Variants in TGM3 observed in about 807,000 individuals in gnomAD.
TGM3 encodes the protein transglutaminase 3.
TGM3 carries 52 observed loss-of-function variants against 73.8 expected under a neutral mutation model. The observed-to-expected ratio is 0.70, with a 90% CI of 0.56 to 0.89. The LOEUF (loss-of-function observed/expected upper bound fraction) is 0.89, where lower values mean the gene tolerates loss of function less well. TGM3 is among the 40% of genes least tolerant of loss of function. The pLI is 0.00. For missense variants in TGM3, 928 were observed against 909.9 expected (o/e 1.02, Z -0.26); for synonymous variants, 372 against 354.9 (o/e 1.05, Z -0.54).
At chr20:2,323,719 C>A (rs1042730827) in intron 7 of TGM3, among the ~76,000 whole-genome samples, 1 of 152,202 alleles carries the variant, frequency 6.6e-6, no homozygotes, top group Non-Finnish European at 1.5e-5. Context: ...AGCACCACAA[C>A]GAGTATCACC....
chr20:2,332,038 T>C lies in TGM3; in HGVS notation c.1370T>C (p.Leu457Ser). Reference sequence around the variant, plus strand: ...GAAAGACAAGTGTTCCAAAAGGCTTTGGGGAAACTTAAACCCAACACGCCA... The same window carrying C: ...GAAAGACAAGTGTTCCAAAAGGCTTCGGGGAAACTTAAACCCAACACGCCA... ...DQERQVFQKA[L>S]GKLKPNTPFA... Residue 457 changes from leucine to serine, a missense_variant, in exon 10 of 13, where the codon TTG (leucine) becomes TCG (serine). By Grantham distance (145) the Leu-to-Ser change is moderately radical. Transcript: ENST00000381458. The surrounding 1 kb of genome is among the most constrained non-coding windows in gnomAD (Gnocchi z 4.4). 1 of 1,613,294 alleles carries C rather than the reference T, an allele frequency of 6.2e-7. No homozygotes were observed. Among genetic ancestry groups the C allele is most frequent in the South Asian group, 1.1e-5 (1 of 91,016 alleles).
At chr20:2,327,630 C>T (rs1379761692) in intron 8 of TGM3, among the ~76,000 whole-genome samples, 1 of 152,156 alleles carries the variant, frequency 6.6e-6, no homozygotes, top group South Asian at 2.1e-4. Flanking sequence ...TGACATCTAT[C>T]TATCTATCTA....
At chr20:2,329,035 A>C (rs2084305706) in intron 9 of TGM3, among the ~76,000 whole-genome samples, 1 of 152,222 alleles carries the variant, frequency 6.6e-6, no homozygotes, top group Admixed American at 6.5e-5. Flanking sequence ...GAGCATTCTC[A>C]ATGATGATAA....
intron 7 of TGM3, among the ~76,000 whole-genome samples, chr20:2,318,315 G>A (rs988637242): frequency 5.9e-5 from 9 of 152,182 alleles, no homozygotes; most frequent in East Asian, 1.9e-4. Flanking sequence ...CACTGCACCC[G>A]GCCAAAATGT....
At chr20:2,306,761 G>A (rs1352358392) in intron 1 of TGM3, among the ~76,000 whole-genome samples, 1 of 152,300 alleles carries the variant, frequency 6.6e-6, no homozygotes, top group Non-Finnish European at 1.5e-5. Flanking sequence ...ACAGGTGTGA[G>A]CCACTGTACC....
intron 7 of TGM3, 54 bp downstream of exon 7, chr20:2,317,539 C>T (rs866351901): frequency 1.2e-5 from 19 of 1,605,724 alleles, no homozygotes; most frequent in South Asian, 5.5e-5. Context: ...AGTGGCTTCT[C>T]GCTCTCACCA....
chr20:2,331,974 C>A lies in TGM3; in HGVS notation c.1334-28C>A, dbSNP rs944869632. ...GCCCAGGTTGCCATCACATCCCTGGCATGTTTCTGTCTTTTCCCACCACAC... is the reference window on the plus strand; with the variant it reads ...GCCCAGGTTGCCATCACATCCCTGGAATGTTTCTGTCTTTTCCCACCACAC... On this transcript the variant is annotated intron_variant, in intron 9 of 12. Coordinates refer to ENST00000381458, the MANE Select transcript of TGM3 (RefSeq NM_003245.4). The A allele has an allele frequency of 5.1e-6, 8 of 1,571,622 alleles. No individual in the cohort carries two copies. The South Asian group carries it at 8.5e-5, about 17-fold the overall frequency.
In TGM3 at chr20:2,309,412, A is replaced by G. The variant is rs1243574539; in HGVS notation, c.8-245A>G. 2.6e-5 allele frequency among the ~76,000 whole-genome samples: 4 copies of G among 152,166 alleles called. No homozygotes were observed. The South Asian group carries it at 6.2e-4, about 24-fold the overall frequency. Reference sequence around the variant, plus strand: ...GTTCAGCTGTCTGAAAGGGCAGAGCATTTTCTATGATCTTGCATCCTGTGA... The same window carrying G: ...GTTCAGCTGTCTGAAAGGGCAGAGCGTTTTCTATGATCTTGCATCCTGTGA... On this transcript the variant is annotated intron_variant, in intron 1 of 12. Transcript: ENST00000381458.
At chr20:2,300,506 C>A (rs895414150) in intron 1 of TGM3, among the ~76,000 whole-genome samples, 3 of 152,202 alleles carry the variant, frequency 2.0e-5, no homozygotes, top group African/African-American at 7.2e-5. Context: ...TGGATGGCCC[C>A]TCCAGGACCT....
chr20:2,332,188 A>T lies in TGM3; in HGVS notation c.1520A>T (p.Asn507Ile). The T allele has an allele frequency of 6.2e-7, 1 of 1,614,036 alleles. No individual in the cohort carries two copies. ...KEVNLVLLLK[N>I]LSRDTKTVTV... Reference sequence around the variant, plus strand: ...GTCAACCTGGTCCTACTGCTCAAAAACCTGAGCAGGGATACGAAGACAGTG... The same window carrying T: ...GTCAACCTGGTCCTACTGCTCAAAATCCTGAGCAGGGATACGAAGACAGTG... The change falls in exon 10 of 13, where the codon AAC becomes ATC. Residue 507 changes from asparagine to isoleucine, a missense_variant. By Grantham distance (149) the Asn-to-Ile change is moderately radical. Coordinates refer to ENST00000381458, the MANE Select transcript of TGM3 (RefSeq NM_003245.4). The surrounding 1 kb of genome is among the most constrained non-coding windows in gnomAD (Gnocchi z 4.4).
chr20:2,326,425 C>T (rs1327147651), intron 8 of TGM3, among the ~76,000 whole-genome samples: 1 of 152,250 alleles, frequency 6.6e-6, no homozygotes, highest in East Asian at 1.9e-4. Flanking sequence ...CCTCTGGCCT[C>T]CCTCTGTCTC....
rs1429680927 is a variant in TGM3 at position 2,332,183 on chromosome 20, CA to C, written c.1520del (p.Asn507ThrfsTer2). 1 of 1,613,962 alleles carries C rather than the reference CA, an allele frequency of 6.2e-7. No homozygotes were observed. Among genetic ancestry groups the C allele is most frequent in the Non-Finnish European group, 8.5e-7 (1 of 1,179,998 alleles). On this transcript the variant is annotated frameshift_variant, in exon 10 of 13. Transcript: ENST00000381458. LOFTEE classifies it high-confidence loss of function. This position sits in a 1 kb window ranked among gnomAD's most constrained non-coding sequence, Gnocchi z 4.4. ...AAGAAGTCAACCTGGTCCTACTGCT[CA>C]AAAACCTGAGCAGGGATACGAAGAC... ...GKEVNLVLLL[K>X]NLSRDTKTVT...
At chr20:2,299,471 C>A (rs2084130911) in intron 1 of TGM3, among the ~76,000 whole-genome samples, 1 of 152,150 alleles carries the variant, frequency 6.6e-6, no homozygotes, top group Non-Finnish European at 1.5e-5. Flanking sequence ...GCAGATGGAG[C>A]AATCATTCTC....
intron 10 of TGM3, among the ~76,000 whole-genome samples, chr20:2,333,892 AG>A (rs1299564254): frequency 2.6e-5 from 4 of 152,152 alleles, no homozygotes; most frequent in Admixed American, 2.6e-4. Context: ...ACTGACGGTG[AG>A]GGTTGGACCA....
At chr20:2,340,033 C>CGGGG in intron 12 of TGM3, 46 bp downstream of exon 12, 1 of 196,584 alleles carries the variant, frequency 5.1e-6, no homozygotes, top group Non-Finnish European at 9.7e-6. Flanking sequence ...CGGGAGGGGG[C>CGGGG]GGGGGGGCCC....
intron 1 of TGM3, among the ~76,000 whole-genome samples, chr20:2,300,790 T>C (rs1179781907): frequency 1.3e-5 from 2 of 152,186 alleles, no homozygotes; most frequent in Non-Finnish European, 2.9e-5. Context: ...AGGTCCTCAA[T>C]AGCAGCCCAT....
At chr20:2,327,927 C>T (rs1568630859) in intron 8 of TGM3, among the ~76,000 whole-genome samples, 193 bp from the exon 9 acceptor site, 1 of 152,076 alleles carries the variant, frequency 6.6e-6, no homozygotes, top group Admixed American at 6.6e-5. Flanking sequence ...AGGTTGAGTT[C>T]GACCAGCAAG....
intron 11 of TGM3, among the ~76,000 whole-genome samples, chr20:2,339,231 G>A (rs214829): frequency 1 from 152,060 of 152,352 alleles, 75,886 homozygotes; most frequent in Middle Eastern, 1. Context: ...GAGCAGCTGT[G>A]GGGCCTGGGG....
chr20:2,298,670 A>T (rs1395210294), intron 1 of TGM3, among the ~76,000 whole-genome samples: 1 of 152,138 alleles, frequency 6.6e-6, no homozygotes, highest in Non-Finnish European at 1.5e-5. Flanking sequence ...TGGAGCTGGG[A>T]CACCAGTCGC....
Sources: gnomAD v4.1 joint callset for allele counts (sites outside exome capture counted in the v4.1 genomes callset) on GRCh38, gnomAD v4.1.1 for gene constraint, Gnocchi (gnomAD v3.1) non-coding constraint, MANE v1.5 for transcripts, NCBI Gene and HGNC (gene_info 2026-07-23, HGNC 2026-07-21) for gene names.